TUSC3: variants seen among roughly 807,000 people sequenced by gnomAD.
The protein encoded by TUSC3 is dolichyl-diphosphooligosaccharide--protein glycosyltransferase subunit TUSC3.
Under a neutral mutation model 44.8 loss-of-function variants are expected in TUSC3, and 45 were observed. The ratio of observed to expected loss-of-function variants is 1.00; its 90% CI spans 0.79 to 1.29. TUSC3 has a LOEUF of 1.29. Among genes scored for constraint, TUSC3 ranks in the 50% most tolerant of loss-of-function variants. TUSC3 has a pLI of 0.00. For missense variants in TUSC3, 519 were observed against 437.9 expected (o/e 1.19, Z -1.65); for synonymous variants, 212 against 152.9 (o/e 1.39, Z -2.85).
intron 6 of TUSC3, among the ~76,000 whole-genome samples, chr8:15,683,371 T>G (rs1808500628): frequency 6.6e-6 from 1 of 152,142 alleles, no homozygotes; most frequent in South Asian, 2.1e-4. Flanking sequence ...TTTATCTGAC[T>G]GGGTTGATTT....
intron 1 of TUSC3, among the ~76,000 whole-genome samples, chr8:15,452,675 C>A (rs1778053282): frequency 6.6e-6 from 1 of 152,128 alleles, no homozygotes; most frequent in South Asian, 2.1e-4. Context: ...ATAGTCTTTG[C>A]TTTGTGTGTC....
At chr8:15,807,326 C>G in the TUSC3 span, 1 of 434,634 alleles carries the variant, frequency 2.3e-6, no homozygotes, top group Non-Finnish European at 4.2e-6. Flanking sequence ...CAAAAATCAT[C>G]AACAAAACCA....
intron 1 of TUSC3, among the ~76,000 whole-genome samples, chr8:15,613,461 G>A (rs868762437): frequency 1.3e-5 from 2 of 152,184 alleles, no homozygotes; most frequent in Middle Eastern, 6.8e-3. Context: ...CCATGCATTG[G>A]CCCATGCAGT....
chr8:15,445,955 C>T (rs1800091024), intron 1 of TUSC3, among the ~76,000 whole-genome samples: 1 of 149,390 alleles, frequency 6.7e-6, no homozygotes, highest in Non-Finnish European at 1.5e-5. Context: ...CGGGGGCTGC[C>T]CCCCACCTCG....
the TUSC3 span, among the ~76,000 whole-genome samples, chr8:15,823,360 G>T: frequency 6.6e-6 from 1 of 152,046 alleles, no homozygotes; most frequent in Non-Finnish European, 1.5e-5. Flanking sequence ...AAAGACTGTG[G>T]ACTGCCTCAT....
At chr8:15,565,223 C>A (rs962245705) in intron 1 of TUSC3, among the ~76,000 whole-genome samples, 3 of 146,490 alleles carry the variant, frequency 2.0e-5, no homozygotes, top group Non-Finnish European at 4.5e-5. Flanking sequence ...CTCATTATTT[C>A]TTACTTGGCA....
intron 6 of TUSC3, among the ~76,000 whole-genome samples, chr8:15,709,416 G>C (rs970871925): frequency 6.6e-6 from 1 of 151,750 alleles, no homozygotes; most frequent in African/African-American, 2.4e-5. Flanking sequence ...GTATTTCCTC[G>C]TTCTCCTTTG....
At position 15,540,672 on chromosome 8, in the gene TUSC3, G is replaced by A. The variant is rs982842048; in HGVS notation, c.138+104G>A. 5.0e-6 allele frequency: 7 copies of A among 1,400,692 alleles called. No individual in the cohort carries two copies. The Admixed American group carries it at 8.5e-5, about 17-fold the overall frequency. 86.8% of individuals were successfully genotyped at this position (1,400,692 alleles called of 1,614,324 possible). ...GTTGCTAGGCAGCCTGGTCGCCGGC[G>A]TGGGCGATGCCGGCGCTGGGGCGGG... On this transcript the variant is annotated intron_variant, in intron 1 of 10. Transcript: ENST00000503731.
chr8:15,638,233 C>T (rs1256150607), intron 2 of TUSC3, among the ~76,000 whole-genome samples: 6 of 150,970 alleles, frequency 4.0e-5, no homozygotes, highest in Admixed American at 3.3e-4. Context: ...TCTCCACCTT[C>T]CTGTTCTTGC....
intron 2 of TUSC3, among the ~76,000 whole-genome samples, chr8:15,633,032 C>T (rs914024425): frequency 7.9e-5 from 12 of 152,106 alleles, no homozygotes; most frequent in African/African-American, 2.9e-4. Context: ...CGCTTTACTG[C>T]TGAGGTAGTA....
chr8:15,727,959 TG>T, intron 6 of TUSC3, among the ~76,000 whole-genome samples: 1 of 152,214 alleles, frequency 6.6e-6, no homozygotes, highest in Non-Finnish European at 1.5e-5. Context: ...AATTCAGGAC[TG>T]TCTCTAAAGC....
upstream of TUSC3, among the ~76,000 whole-genome samples, chr8:15,537,124 C>T (rs952429837): frequency 7.3e-6 from 1 of 137,764 alleles, no homozygotes. Context: ...TCTTAAGAAA[C>T]ATGTTACAAC....
the TUSC3 span, among the ~76,000 whole-genome samples, chr8:15,837,724 T>G: frequency 6.6e-6 from 1 of 152,204 alleles, no homozygotes; most frequent in East Asian, 1.9e-4. Flanking sequence ...TTGACTAAAT[T>G]TTTTTAATTC....
intron 2 of TUSC3, among the ~76,000 whole-genome samples, chr8:15,503,368 G>A (rs369210077): frequency 2.6e-5 from 4 of 152,174 alleles, no homozygotes; most frequent in East Asian, 1.9e-4. Context: ...GAGCCACCCC[G>A]TCTGTGGCAC....
At chr8:15,603,974 C>G (rs549311142) in intron 1 of TUSC3, among the ~76,000 whole-genome samples, 1 of 151,258 alleles carries the variant, frequency 6.6e-6, no homozygotes, top group Non-Finnish European at 1.5e-5. Context: ...TCTATTATTG[C>G]TTATTAGAAA....
intron 6 of TUSC3, among the ~76,000 whole-genome samples, chr8:15,693,445 T>TA (rs988238508): frequency 4.7e-5 from 7 of 148,092 alleles, no homozygotes; most frequent in Non-Finnish European, 1.0e-4. Context: ...GAAGTTCTTT[T>TA]TTTTTTTTTT....
chr8:15,809,570 G>C, the TUSC3 span, among the ~76,000 whole-genome samples: 1 of 152,076 alleles, frequency 6.6e-6, no homozygotes, highest in African/African-American at 2.4e-5. Context: ...ATACTTAAAA[G>C]AAAGTCTAGT....
the TUSC3 span, among the ~76,000 whole-genome samples, chr8:15,828,638 C>A: frequency 6.6e-6 from 1 of 152,138 alleles, no homozygotes. Context: ...AAGGTGTTAG[C>A]AAACAGGAAA....
At chr8:15,577,137 T>A (rs1246452467) in intron 1 of TUSC3, among the ~76,000 whole-genome samples, 1 of 149,330 alleles carries the variant, frequency 6.7e-6, no homozygotes. Flanking sequence ...TTCATGTCCT[T>A]TGCCCACTTT....
Sources: allele counts gnomAD v4.1 joint callset (sites outside exome capture counted in the v4.1 genomes callset), GRCh38; gene constraint gnomAD v4.1.1; transcripts MANE v1.5; gene names NCBI Gene and HGNC (gene_info 2026-07-23, HGNC 2026-07-21).